Variants in TNKS observed in about 807,000 individuals in gnomAD.
The protein encoded by TNKS is tankyrase, also known as poly [ADP-ribose] polymerase tankyrase-1.
In TNKS, 72 loss-of-function variants were observed where a neutral mutation model predicts 135.8. The ratio of observed to expected loss-of-function variants is 0.53; its 90% confidence interval spans 0.44 to 0.64. The LOEUF (loss-of-function observed/expected upper bound fraction) is 0.64, where lower values mean the gene tolerates loss of function less well. TNKS is among the 30% of genes least tolerant of loss of function. The pLI is 0.00. For synonymous variants in TNKS, 849 were observed against 649.3 expected (o/e 1.31, Z -4.68); for missense variants, 1,769 against 1,674.0 (o/e 1.06, Z -0.99).
intron 2 of TNKS, among the ~76,000 whole-genome samples, chr8:9,608,576 G>T (rs769519927): frequency 1.3e-5 from 2 of 152,086 alleles, no homozygotes; most frequent in Non-Finnish European, 2.9e-5. Context: ...AAGCCTCAGG[G>T]GTTTTGTCCT....
intron 12 of TNKS, among the ~76,000 whole-genome samples, chr8:9,726,379 C>A (rs1221370601): frequency 6.6e-6 from 1 of 152,112 alleles, no homozygotes; most frequent in Non-Finnish European, 1.5e-5. Flanking sequence ...GACAGAGCAA[C>A]TGTCTCAAAA....
At chr8:9,614,784 T>G (rs1799579509) in intron 2 of TNKS, among the ~76,000 whole-genome samples, 3 of 152,194 alleles carry the variant, frequency 2.0e-5, no homozygotes, top group South Asian at 2.1e-4. Flanking sequence ...CCTCCCTACG[T>G]ATACACACCA....
chr8:9,629,126 C>A (rs1332984727), intron 3 of TNKS, among the ~76,000 whole-genome samples: 1 of 152,150 alleles, frequency 6.6e-6, no homozygotes. Flanking sequence ...GTTTCAATGA[C>A]CTGTTTGTTT....
intron 3 of TNKS, among the ~76,000 whole-genome samples, chr8:9,620,106 C>G (rs1256980487): frequency 1.3e-5 from 2 of 152,038 alleles, no homozygotes; most frequent in African/African-American, 2.4e-5. Context: ...GGCGCCACCA[C>G]GCCCAGCTAA....
intron 1 of TNKS, among the ~76,000 whole-genome samples, chr8:9,559,455 A>T (rs1797236395): frequency 6.6e-6 from 1 of 152,020 alleles, no homozygotes; most frequent in South Asian, 2.1e-4. Flanking sequence ...TTTCTTTCCA[A>T]CTTTTAGGTT....
At chr8:9,773,427 A>G (rs1431219293) in intron 26 of TNKS, among the ~76,000 whole-genome samples, 2 of 152,174 alleles carry the variant, frequency 1.3e-5, no homozygotes, top group Non-Finnish European at 2.9e-5. Flanking sequence ...TGTATTTTAA[A>G]TATACTGTAA....
At chr8:9,771,388 GA>G (rs1491366279) in intron 26 of TNKS, among the ~76,000 whole-genome samples, 1 of 101,678 alleles carries the variant, frequency 9.8e-6, no homozygotes, top group Admixed American at 9.5e-5. Context: ...GGGAAAGAGA[GA>G]AAGGGAGGGA....
chr8:9,751,542 T>G, intron 18 of TNKS, 67 bp from the exon 19 acceptor site: 1 of 1,414,562 alleles, frequency 7.1e-7, no homozygotes, highest in Non-Finnish European at 9.7e-7. Context: ...TATTTGGTTA[T>G]CAGTGAAAAA....
chr8:9,626,070 TTTTGTAGCTTTGTTG>T (rs936353312), intron 3 of TNKS, among the ~76,000 whole-genome samples: 4 of 152,218 alleles, frequency 2.6e-5, no homozygotes, highest in Non-Finnish European at 4.4e-5. Context: ...GTTTCATATA[TTTTGTAGCTTTGTTG>T]TTTGTAGCTT....
At chr8:9,571,262 A>G (rs945801693) in intron 1 of TNKS, among the ~76,000 whole-genome samples, 2 of 152,136 alleles carry the variant, frequency 1.3e-5, no homozygotes, top group African/African-American at 4.8e-5. Context: ...ATAGGTACCT[A>G]TCTATATTTA....
At chr8:9,585,385 A>G (rs1437130218) in intron 2 of TNKS, among the ~76,000 whole-genome samples, 1 of 151,994 alleles carries the variant, frequency 6.6e-6, no homozygotes, top group Non-Finnish European at 1.5e-5. Flanking sequence ...GGAAGAGATC[A>G]GTAATAATTA....
At chr8:9,663,283 T>G (rs1290153789) in intron 3 of TNKS, among the ~76,000 whole-genome samples, 3 of 152,236 alleles carry the variant, frequency 2.0e-5, no homozygotes. Context: ...GAAACTAATA[T>G]CTGAAGTGTT....
chr8:9,721,298 T>TTATATATATATATATATATATATA (rs60138689), intron 12 of TNKS, among the ~76,000 whole-genome samples: 1,312 of 117,978 alleles, frequency 0.011, 28 homozygotes, highest in Middle Eastern at 0.014. Flanking sequence ...AATAAATAAA[T>TTATATATATATATATATATATATA]TATATATATA....
At position 9,751,711 on chromosome 8, in the gene TNKS, C is replaced by T. The variant is rs199621641; in HGVS notation, c.2935C>T (p.Pro979Ser). The change falls in exon 19 of 27, where the codon CCA becomes TCA. Residue 979 changes from proline to serine, a missense_variant. By Grantham distance (74) the Pro-to-Ser change is moderately conservative. Coordinates refer to ENST00000310430, the MANE Select transcript of TNKS (RefSeq NM_003747.3). ...TGTAGTGAGTGCCTCTCTGATCTCA[C>T]CAGCATCCACCCCCTCCTGCCTCTC... ...ATVVSASLIS[P>S]ASTPSCLSAA... 6.2e-7 allele frequency: 1 copy of T among 1,614,184 alleles called. No individual in the cohort carries two copies. The highest frequency in any genetic ancestry group is 8.5e-7 in the Non-Finnish European group (1 of 1,180,032).
intron 2 of TNKS, among the ~76,000 whole-genome samples, chr8:9,603,173 C>T (rs113678629): frequency 0.012 from 1,818 of 152,214 alleles, 41 homozygotes; most frequent in African/African-American, 0.041. Context: ...CTGCCTCAGG[C>T]TCCCAAGTAG....
chr8:9,658,045 C>T (rs1172153963), intron 3 of TNKS, among the ~76,000 whole-genome samples: 2 of 84,060 alleles, frequency 2.4e-5, no homozygotes, highest in South Asian at 5.2e-4. Context: ...AGACGATGGG[C>T]GGCCGGGCAG....
intron 22 of TNKS, 115 bp from the exon 23 acceptor site, chr8:9,764,601 G>A (rs766093057): frequency 3.6e-5 from 23 of 630,916 alleles, no homozygotes; most frequent in Non-Finnish European, 5.3e-5. Context: ...CACTAAACTT[G>A]TTCATCAATT....
rs748879488 is a variant in TNKS at position 9,556,017 on chromosome 8, GCCGCCGCCGCCACCTCCTCCC to G, written c.81_101del (p.Pro28_Pro34del). The G allele has an allele frequency of 6.2e-7, 1 of 1,612,264 alleles. No individual in the cohort carries two copies. The highest frequency in any genetic ancestry group is 1.1e-5 in the South Asian group (1 of 90,998). On this transcript the variant is annotated inframe_deletion, in exon 1 of 27. Transcript: ENST00000310430. ...TCCAGCCCGCCCCAGGGGCTTCAGC[GCCGCCGCCGCCACCTCCTCCC>G]CCACTCAGCCCTGGCCTGGCCCCGG...
At chr8:9,636,599 C>G (rs1264105813) in intron 3 of TNKS, among the ~76,000 whole-genome samples, 1 of 152,112 alleles carries the variant, frequency 6.6e-6, no homozygotes, top group Non-Finnish European at 1.5e-5. Flanking sequence ...TAATTGTTAA[C>G]TCTCCTTGCT....
Sources: allele counts gnomAD v4.1 joint callset (sites outside exome capture counted in the v4.1 genomes callset), GRCh38; gene constraint gnomAD v4.1.1; transcripts MANE v1.5; gene names NCBI Gene and HGNC (gene_info 2026-07-23, HGNC 2026-07-21).